Variants in FFAR1 observed in about 807,000 individuals in gnomAD.
The protein encoded by FFAR1 is G-protein coupled receptor 40.
For missense variants in FFAR1, 424 were observed against 396.2 expected (o/e 1.07, Z -0.60); for synonymous variants, 216 against 201.5 (o/e 1.07, Z -0.61).
At chr19:35,351,435 C>T (rs2066943718), upstream of FFAR1, 4 of 869,442 alleles carry the variant, frequency 4.6e-6, no homozygotes, top group South Asian at 6.0e-5. Flanking sequence ...TGTAATTCTC[C>T]ACACAGGGCT....
At chr19:35,351,776 G>A (rs1464423331) in exon 1 of FFAR1, 22 of 1,579,274 alleles carry the variant, frequency 1.4e-5, no homozygotes, top group South Asian at 7.9e-5. Context: ...GGCCTCTGCC[G>A]GCCTCGCTGT....
chr19:35,350,822 T>A (rs776757782), upstream of FFAR1, among the ~76,000 whole-genome samples: 1 of 152,100 alleles, frequency 6.6e-6, no homozygotes, highest in Non-Finnish European at 1.5e-5. Flanking sequence ...CTCAGAGACA[T>A]CTGGCAGCAC....
At chr19:35,350,729 GC>G, upstream of FFAR1, among the ~76,000 whole-genome samples, 1 of 152,268 alleles carries the variant, frequency 6.6e-6, no homozygotes, top group South Asian at 2.1e-4. Flanking sequence ...CAGGCTAATG[GC>G]CCTGTCACCC....
At chr19:35,350,761 C>A (rs182732988), upstream of FFAR1, among the ~76,000 whole-genome samples, 36 of 152,296 alleles carry the variant, frequency 2.4e-4, no homozygotes, top group East Asian at 4.6e-3. Context: ...CCTTCCGGCT[C>A]ACTGCCCATC....
At chr19:35,352,263 G>A (rs1347198675) in exon 1 of FFAR1, 1 of 1,553,936 alleles carries the variant, frequency 6.4e-7, no homozygotes, top group South Asian at 1.2e-5. Context: ...GCTCTGCGTA[G>A]GACCCTACAA....
exon 1 of FFAR1, chr19:35,351,812 C>A: frequency 6.2e-7 from 1 of 1,607,114 alleles, no homozygotes; most frequent in Non-Finnish European, 8.5e-7. Flanking sequence ...TGGCCCACTT[C>A]TTCCCACTCT....
rs766715388 is a variant in FFAR1, at chr19:35,351,641, G to C, written c.90G>C (p.Ala30=). 5.2e-6 allele frequency: 8 copies of C among 1,546,878 alleles called. No homozygotes were observed. The South Asian group carries it at 9.5e-5, about 18-fold the overall frequency. Residue 30 remains alanine, a synonymous_variant, in exon 1 of 1, where the codon GCG becomes GCC. Coordinates refer to ENST00000246553, the Ensembl canonical transcript of FFAR1. ...TCAACGTCCTGGCCATCCGAGGCGC[G>C]ACGGCCCACGCCCGGCTCCGTCTCA...
At chr19:35,352,343 G>A (rs371520895) in exon 1 of FFAR1, 11 of 1,552,166 alleles carry the variant, frequency 7.1e-6, no homozygotes, top group Non-Finnish European at 9.6e-6. Flanking sequence ...GGCTCATCAC[G>A]GGTGCCTGGA....
At chr19:35,348,609 C>T (rs1238004815), upstream of FFAR1, among the ~76,000 whole-genome samples, 1 of 152,186 alleles carries the variant, frequency 6.6e-6, no homozygotes, top group African/African-American at 2.4e-5. Context: ...AAAACAACAA[C>T]AACAAAAACT....
At chr19:35,353,308 C>T (rs979282110) in exon 1 of FFAR1, 4 of 152,046 alleles carry the variant, frequency 2.6e-5, no homozygotes, top group African/African-American at 9.7e-5. Context: ...TAGTGAGACC[C>T]CCACCTCTAC....
exon 1 of FFAR1, chr19:35,352,428 A>G: frequency 1.3e-6 from 2 of 1,554,716 alleles, no homozygotes; most frequent in Non-Finnish European, 1.7e-6. Context: ...TGCGGCAAGA[A>G]CGCAAGGGGG....
rs1375470234 is a variant in FFAR1, at chr19:35,351,778, C to T, written c.227C>T (p.Ala76Val). The T allele has an allele frequency of 5.7e-6, 9 of 1,580,792 alleles. No homozygotes were observed. The highest frequency in any genetic ancestry group is 1.1e-5 in the South Asian group (1 of 88,212). Residue 76 changes from alanine (A) to valine (V), a missense_variant, in exon 1 of 1, where the codon GCC (alanine) becomes GTC (valine). Physicochemically the swap from Ala to Val is moderately conservative, Grantham distance 64 (BLOSUM62 0). Transcript: ENST00000246553. ...GCCTCCGGGGCCTGGCCTCTGCCGGCCTCGCTGTGCCCCGTCTTCGCGGTG... is the reference window on the plus strand; with the variant it reads ...GCCTCCGGGGCCTGGCCTCTGCCGGTCTCGCTGTGCCCCGTCTTCGCGGTG...
At chr19:35,348,523 T>C (rs1682650550), upstream of FFAR1, among the ~76,000 whole-genome samples, 1 of 152,254 alleles carries the variant, frequency 6.6e-6, no homozygotes, top group South Asian at 2.1e-4. Flanking sequence ...CGCTTGAACC[T>C]GGGAGGCGGA....
exon 1 of FFAR1, chr19:35,352,308 C>G (rs993550748): frequency 1.3e-6 from 2 of 1,552,426 alleles, no homozygotes; most frequent in Non-Finnish European, 1.7e-6. Flanking sequence ...GTACCCCAAT[C>G]TAGGAGGCTC....
exon 1 of FFAR1, chr19:35,352,447 A>G (rs746539345): frequency 1.3e-6 from 2 of 1,552,198 alleles, no homozygotes; most frequent in African/African-American, 2.7e-5. Context: ...GGCAAGTCCC[A>G]GAAGTAACGC....
At chr19:35,349,808 T>A (rs922071376), upstream of FFAR1, among the ~76,000 whole-genome samples, 2 of 152,004 alleles carry the variant, frequency 1.3e-5, no homozygotes, top group Non-Finnish European at 2.9e-5. Context: ...AGAGACAGAC[T>A]GACAGACAGA....
exon 1 of FFAR1, chr19:35,352,939 TCGCAAGGGGGCAGC>T (rs745782821): frequency 4.9e-5 from 8 of 162,876 alleles, no homozygotes; most frequent in Non-Finnish European, 1.1e-4. Flanking sequence ...CATGTGAAAC[TCGCAAGGGGGCAGC>T]CTTGGAGCTT....
upstream of FFAR1, among the ~76,000 whole-genome samples, chr19:35,347,956 G>GA (rs56096661): frequency 0.35 from 53,114 of 152,094 alleles, 10,247 homozygotes; most frequent in Non-Finnish European, 0.45. Flanking sequence ...TCTGTTCACT[G>GA]ATTCAGACTT....
At chr19:35,350,537 G>A (rs2066939828), upstream of FFAR1, among the ~76,000 whole-genome samples, 1 of 152,118 alleles carries the variant, frequency 6.6e-6, no homozygotes. Flanking sequence ...GGTTGTGGCC[G>A]AGCCCCCAAG....
Sources: allele counts gnomAD v4.1 joint callset (sites outside exome capture counted in the v4.1 genomes callset), GRCh38; gene constraint gnomAD v4.1.1; transcripts MANE v1.5; gene names NCBI Gene and HGNC (gene_info 2026-07-23, HGNC 2026-07-21).